The following DLGAP1 variants were observed in gnomAD, a reference collection of about 807,000 sequenced individuals.
DLGAP1 encodes the protein DLG associated protein 1.
Under a neutral mutation model 90.8 loss-of-function variants are expected in DLGAP1, and 11 were observed. That is an observed-to-expected ratio of 0.12 (90% CI 0.08 to 0.20). The LOEUF is 0.20. Ranked by LOEUF, DLGAP1 falls within the 10% of genes least tolerant of loss-of-function variation. The pLI is 1.00. For synonymous variants in DLGAP1, 558 were observed against 540.7 expected, an observed-to-expected ratio of 1.03 and a Z score of -0.44; for missense variants, 1,050 against 1,333.8, an observed-to-expected ratio of 0.79 and a Z score of 3.31.
At position 3,600,893 on chromosome 18, in the gene DLGAP1, GAT is replaced by G. The variant is rs1404906129; in HGVS notation, c.1592-18647_1592-18646del. 2.1e-4 allele frequency among the ~76,000 whole-genome samples: 11 copies of G among 51,176 alleles called. 2 individuals carry two copies. The highest frequency in any genetic ancestry group is 5.2e-4 in the South Asian group (1 of 1,920). 33.6% of individuals were successfully genotyped at this position (51,176 alleles called of 152,430 possible). A position where few individuals can be genotyped will look rare whatever the true frequency, so the allele number is the denominator to read the frequency against. ...ATATAGATATATAGATAGATATATA[GAT>G]ATATATAGATATATAGATAGATATA... On this transcript the variant is annotated intron_variant, in intron 7 of 12. Coordinates refer to ENST00000315677, the MANE Select transcript of DLGAP1 (RefSeq NM_004746.4).
intron 7 of DLGAP1, among the ~76,000 whole-genome samples, chr18:3,661,678 G>A (rs2059688756): frequency 6.7e-6 from 1 of 150,364 alleles, no homozygotes; most frequent in Admixed American, 6.7e-5. Context: ...CTGGGTTCAA[G>A]CAATTCTCAT....
At chr18:3,912,535 T>C (rs1003184367) in intron 3 of DLGAP1, among the ~76,000 whole-genome samples, 7 of 152,108 alleles carry the variant, frequency 4.6e-5, no homozygotes, top group African/African-American at 1.7e-4. Context: ...TACAGTCTAG[T>C]GGAAGAAACA....
intron 4 of DLGAP1, among the ~76,000 whole-genome samples, chr18:3,844,786 G>A (rs969968227): frequency 3.3e-5 from 5 of 152,128 alleles, no homozygotes; most frequent in African/African-American, 1.2e-4. Context: ...GAAATGAAAT[G>A]ATTCAGAAAT....
At chr18:3,696,674 T>A (rs2061104994) in intron 7 of DLGAP1, among the ~76,000 whole-genome samples, 1 of 152,220 alleles carries the variant, frequency 6.6e-6, no homozygotes, top group South Asian at 2.1e-4. Context: ...TTGTTGTGTC[T>A]CTGCCAGGTT....
chr18:4,075,108 A>T (rs999918894), intron 2 of DLGAP1, among the ~76,000 whole-genome samples: 1 of 152,096 alleles, frequency 6.6e-6, no homozygotes, highest in Non-Finnish European at 1.5e-5. Context: ...CACCAATAGG[A>T]TTTTCCTCTT....
chr18:4,057,000 TACATACACAC>T (rs1350220071), intron 2 of DLGAP1, among the ~76,000 whole-genome samples: 76 of 94,994 alleles, frequency 8.0e-4, no homozygotes, highest in South Asian at 3.2e-3. Flanking sequence ...CAACTGACCA[TACATACACAC>T]ACACACACAC....
At chr18:3,811,399 T>C (rs1447726649) in intron 5 of DLGAP1, among the ~76,000 whole-genome samples, 1 of 152,190 alleles carries the variant, frequency 6.6e-6, no homozygotes, top group Non-Finnish European at 1.5e-5. Context: ...TGTTATGATG[T>C]TGGCACACTA....
intron 3 of DLGAP1, among the ~76,000 whole-genome samples, chr18:3,915,609 C>G (rs1442367): frequency 0.29 from 44,611 of 152,014 alleles, 7,707 homozygotes; most frequent in Admixed American, 0.41. Flanking sequence ...GTTTTAAGAT[C>G]AATTAAATCT....
At chr18:4,020,068 G>T (rs1188749275) in intron 2 of DLGAP1, among the ~76,000 whole-genome samples, 1 of 152,172 alleles carries the variant, frequency 6.6e-6, no homozygotes, top group Non-Finnish European at 1.5e-5. Flanking sequence ...GAATGTCTGG[G>T]TTATGGTAGG....
chr18:4,390,521 T>C (rs1959686121), intron 1 of DLGAP1, among the ~76,000 whole-genome samples: 1 of 152,184 alleles, frequency 6.6e-6, no homozygotes, highest in Non-Finnish European at 1.5e-5. Flanking sequence ...GCCCAACCTA[T>C]TCATCCTTCC....
chr18:3,867,261 T>G (rs1350244643), intron 4 of DLGAP1, among the ~76,000 whole-genome samples: 2 of 152,088 alleles, frequency 1.3e-5, no homozygotes, highest in African/African-American at 4.8e-5. Flanking sequence ...TCCCCGCCTC[T>G]CTCCACAACT....
intron 3 of DLGAP1, among the ~76,000 whole-genome samples, chr18:3,916,701 G>A (rs1431327416): frequency 6.6e-6 from 1 of 152,138 alleles, no homozygotes; most frequent in Non-Finnish European, 1.5e-5. Flanking sequence ...ACAGACCTCA[G>A]AGTCTGTGCT....
intron 1 of DLGAP1, among the ~76,000 whole-genome samples, chr18:4,449,844 G>A (rs2083773944): frequency 6.6e-6 from 1 of 152,150 alleles, no homozygotes; most frequent in Non-Finnish European, 1.5e-5. Flanking sequence ...AGCATTCCAA[G>A]GAGAGGGGGA....
At chr18:3,810,260 G>T (rs2066765380) in intron 5 of DLGAP1, among the ~76,000 whole-genome samples, 1 of 152,098 alleles carries the variant, frequency 6.6e-6, no homozygotes, top group African/African-American at 2.4e-5. Flanking sequence ...CTGACCTTAG[G>T]CCTTATATGT....
chr18:3,516,190 G>C (rs993824818), intron 10 of DLGAP1, among the ~76,000 whole-genome samples: 5 of 152,006 alleles, frequency 3.3e-5, no homozygotes. Context: ...ATGGCGTCTA[G>C]AATGGTGATT....
At chr18:4,397,741 A>G (rs1258595896) in intron 1 of DLGAP1, among the ~76,000 whole-genome samples, 1 of 152,210 alleles carries the variant, frequency 6.6e-6, no homozygotes, top group Non-Finnish European at 1.5e-5. Context: ...TTTAAGATAC[A>G]TAAGGATAGA....
chr18:4,351,816 T>C (rs2081408449), intron 1 of DLGAP1, among the ~76,000 whole-genome samples: 1 of 152,252 alleles, frequency 6.6e-6, no homozygotes, highest in Admixed American at 6.5e-5. Flanking sequence ...ACATTTTGTT[T>C]GCACTATGCT....
chr18:4,181,824 A>C (rs926200563), intron 1 of DLGAP1, among the ~76,000 whole-genome samples: 3 of 152,196 alleles, frequency 2.0e-5, no homozygotes, highest in Non-Finnish European at 2.9e-5. Context: ...CTCCAAAAAA[A>C]GAAATTAGGG....
chr18:3,572,944 A>G (rs975531456), intron 8 of DLGAP1, among the ~76,000 whole-genome samples: 1 of 152,102 alleles, frequency 6.6e-6, no homozygotes, highest in African/African-American at 2.4e-5. Flanking sequence ...TTCTTACTTC[A>G]GACAGGAAAT....
Sources: allele counts gnomAD v4.1 joint callset (sites outside exome capture counted in the v4.1 genomes callset), GRCh38; gene constraint gnomAD v4.1.1; transcripts MANE v1.5; gene names NCBI Gene and HGNC (gene_info 2026-07-23, HGNC 2026-07-21).